BANF2: variants seen among roughly 807,000 people sequenced by gnomAD.
BANF2 encodes BANF family member 2, also known as barrier-to-autointegration factor-like protein.
BANF2 carries 4 observed loss-of-function variants against 8.0 expected under a neutral mutation model. That is an observed-to-expected ratio of 0.50 (90% CI 0.25 to 1.14). The LOEUF is 1.14. Among genes scored for constraint, BANF2 ranks in the 50% most tolerant of loss-of-function variants. The pLI is 0.16. For missense variants in BANF2, 96 were observed against 107.5 expected (o/e 0.89, Z 0.47); for synonymous variants, 50 against 40.6 (o/e 1.23, Z -0.88).
At chr20:17,732,372 G>T (rs972321164) in intron 3 of BANF2, among the ~76,000 whole-genome samples, 1 of 152,262 alleles carries the variant, frequency 6.6e-6, no homozygotes, top group East Asian at 1.9e-4. Context: ...CCATCCTTTT[G>T]TTTGTTTGTT....
At chr20:17,735,563 T>C (rs2037965077) in intron 3 of BANF2, 102 bp from the exon 4 acceptor site, 1 of 1,380,644 alleles carries the variant, frequency 7.2e-7, no homozygotes, top group Admixed American at 1.8e-5. Flanking sequence ...CTCCCCCTCC[T>C]TTGATTGTCA....
rs563014102 is a variant in BANF2 at position 17,701,534 on chromosome 20, C to T, written c.-167+1479C>T. On this transcript the variant is annotated intron_variant, in intron 1 of 3. Coordinates refer to ENST00000246090, the MANE Select transcript of BANF2 (RefSeq NM_178477.5). ...CAAGGCAGCAAGAGTGTGCAGGCCA[C>T]GGCTCTTCCATCAGCATGGAAGGGA... 9.8e-5 allele frequency among the ~76,000 whole-genome samples: 15 copies of T among 152,290 alleles called. No individual in the cohort carries two copies. The East Asian group carries it at 1.5e-3, about 16-fold the overall frequency.
At chr20:17,710,867 A>G (rs976792210) in intron 1 of BANF2, among the ~76,000 whole-genome samples, 6 of 151,122 alleles carry the variant, frequency 4.0e-5, no homozygotes, top group Admixed American at 2.0e-4. Context: ...CAGTTCCCGC[A>G]GCAACCCAGG....
chr20:17,719,758 C>G (rs1012657224), intron 1 of BANF2, among the ~76,000 whole-genome samples: 10 of 151,448 alleles, frequency 6.6e-5, no homozygotes, highest in Non-Finnish European at 1.2e-4. Flanking sequence ...GACTTCAAAG[C>G]CATTGGGGTC....
chr20:17,704,326 T>C (rs1194933074), intron 1 of BANF2, among the ~76,000 whole-genome samples: 1 of 152,120 alleles, frequency 6.6e-6, no homozygotes, highest in South Asian at 2.1e-4. Context: ...AGGTCTGGAG[T>C]GGAGCCTGAG....
At chr20:17,724,419 G>A (rs1471723640) in intron 2 of BANF2, among the ~76,000 whole-genome samples, 2 of 152,192 alleles carry the variant, frequency 1.3e-5, no homozygotes, top group Non-Finnish European at 2.9e-5. Context: ...GAGTGCTGGA[G>A]CAGCCCTTTC....
At chr20:17,732,607 C>T (rs1360449164) in intron 3 of BANF2, among the ~76,000 whole-genome samples, 1 of 152,236 alleles carries the variant, frequency 6.6e-6, no homozygotes, top group African/African-American at 2.4e-5. Flanking sequence ...TCTGCCCGCT[C>T]AGCCTCCCAA....
At chr20:17,724,540 TATA>T (rs1367703868) in intron 2 of BANF2, among the ~76,000 whole-genome samples, 1 of 152,242 alleles carries the variant, frequency 6.6e-6, no homozygotes, top group East Asian at 1.9e-4. Flanking sequence ...TTTGGATTTC[TATA>T]ATGTGTTCTT....
chr20:17,704,335 A>T (rs1034154622), intron 1 of BANF2, among the ~76,000 whole-genome samples: 1 of 152,212 alleles, frequency 6.6e-6, no homozygotes, highest in Non-Finnish European at 1.5e-5. Context: ...GTGGAGCCTG[A>T]GATTCTGCAT....
chr20:17,721,545 C>T (rs1408133375), intron 1 of BANF2, among the ~76,000 whole-genome samples: 2 of 152,130 alleles, frequency 1.3e-5, no homozygotes, highest in Non-Finnish European at 2.9e-5. Context: ...GTGCACACCA[C>T]TACGCCTGGC....
At chr20:17,726,530 T>A (rs547363418) in intron 3 of BANF2, among the ~76,000 whole-genome samples, 1 of 152,222 alleles carries the variant, frequency 6.6e-6, no homozygotes, top group African/African-American at 2.4e-5. Context: ...TTCTTTTTAC[T>A]TTCCTATTGT....
intron 1 of BANF2, among the ~76,000 whole-genome samples, chr20:17,707,559 GA>G (rs2037501055): frequency 6.6e-6 from 1 of 152,050 alleles, no homozygotes; most frequent in Non-Finnish European, 1.5e-5. Context: ...TTCAAGATGA[GA>G]ATGACCTGAT....
intron 1 of BANF2, among the ~76,000 whole-genome samples, chr20:17,709,454 T>A (rs1568809303): frequency 6.6e-6 from 1 of 152,190 alleles, no homozygotes. Flanking sequence ...GGTGAATACA[T>A]GGCACGTGGG....
chr20:17,719,009 C>T (rs2037692824), intron 1 of BANF2, among the ~76,000 whole-genome samples: 1 of 152,116 alleles, frequency 6.6e-6, no homozygotes, highest in East Asian at 1.9e-4. Context: ...ATAATGGACC[C>T]AATGCTGCAG....
chr20:17,726,816 GT>G (rs2037815341), intron 3 of BANF2, among the ~76,000 whole-genome samples: 1 of 152,194 alleles, frequency 6.6e-6, no homozygotes, highest in Admixed American at 6.5e-5. Flanking sequence ...TTTTAAAAAT[GT>G]TTTTATTAAG....
intron 1 of BANF2, among the ~76,000 whole-genome samples, chr20:17,694,593 TTCTC>T (rs73617209): frequency 2.5e-4 from 23 of 92,180 alleles, no homozygotes; most frequent in African/African-American, 8.1e-4. Flanking sequence ...TTTTTGTTTT[TTCTC>T]TCTCTTTTTT....
rs2037603226 is a variant in BANF2, at chr20:17,713,295, G to T, written c.-166-9421G>T. ...AGAGAGAGAGAGATCCTGTTGCATG[G>T]ATGCACCTTGAGGACATCAAGCTGA... On this transcript the variant is annotated intron_variant, in intron 1 of 3. Coordinates refer to ENST00000246090, the MANE Select transcript of BANF2 (RefSeq NM_178477.5). Among the ~76,000 whole-genome samples, 9 of 152,024 alleles carry T rather than the reference G, an allele frequency of 5.9e-5. No homozygotes were observed. The South Asian group carries it at 1.9e-3, about 32-fold the overall frequency.
intron 1 of BANF2, among the ~76,000 whole-genome samples, chr20:17,704,474 T>G (rs1337289670): frequency 1.3e-5 from 2 of 152,204 alleles, no homozygotes; most frequent in Non-Finnish European, 2.9e-5. Context: ...GGGCCCTCAA[T>G]TCCACTTCTA....
chr20:17,727,334 G>A (rs1271415881), intron 3 of BANF2, among the ~76,000 whole-genome samples: 2 of 152,164 alleles, frequency 1.3e-5, no homozygotes, highest in East Asian at 1.9e-4. Context: ...GCCCACACCC[G>A]TGATTGAGAT....
Sources: gnomAD v4.1 joint callset for allele counts (sites outside exome capture counted in the v4.1 genomes callset) on GRCh38, gnomAD v4.1.1 for gene constraint, MANE v1.5 for transcripts, NCBI Gene and HGNC (gene_info 2026-07-23, HGNC 2026-07-21) for gene names.